The following UBE2D3 variants were observed in gnomAD, a reference collection of about 807,000 sequenced individuals.
The protein encoded by UBE2D3 is ubiquitin conjugating enzyme E2 D3.
Under a neutral mutation model 22.8 loss-of-function variants are expected in UBE2D3, and 2 were observed. That is an observed-to-expected ratio of 0.09 (90% CI 0.04 to 0.28). The LOEUF is 0.28. UBE2D3 is among the 10% of genes least tolerant of loss of function. UBE2D3 has a pLI of 1.00. For synonymous variants in UBE2D3, 56 were observed against 60.4 expected, an observed-to-expected ratio of 0.93 and a Z score of 0.34; for missense variants, 27 against 182.5, an observed-to-expected ratio of 0.15 and a Z score of 4.91.
chr4:102,806,356 A>G (rs952948986), intron 4 of UBE2D3, among the ~76,000 whole-genome samples: 1 of 152,108 alleles, frequency 6.6e-6, no homozygotes, highest in African/African-American at 2.4e-5. Flanking sequence ...CTTTAAGCAC[A>G]TAGTTACCAT....
intron 1 of UBE2D3, among the ~76,000 whole-genome samples, chr4:102,843,105 G>A (rs1349709834): frequency 2.6e-5 from 4 of 152,108 alleles, no homozygotes; most frequent in South Asian, 2.1e-4. Context: ...ATAAGACTCC[G>A]TCTCAAAATT....
intron 2 of UBE2D3, among the ~76,000 whole-genome samples, chr4:102,820,342 C>T (rs1376288585): frequency 6.6e-6 from 1 of 151,296 alleles, no homozygotes; most frequent in Admixed American, 6.6e-5. Flanking sequence ...GGATGCTTGG[C>T]AAAAAGATAT....
intron 1 of UBE2D3, among the ~76,000 whole-genome samples, chr4:102,848,921 CTG>C (rs147050383): frequency 0.074 from 10,594 of 142,634 alleles, 430 homozygotes; most frequent in East Asian, 0.22. Context: ...TTATGTGTGC[CTG>C]TGTGTGTGTG....
intron 2 of UBE2D3, among the ~76,000 whole-genome samples, chr4:102,816,853 A>G (rs1341327545): frequency 6.6e-6 from 1 of 152,202 alleles, no homozygotes; most frequent in African/African-American, 2.4e-5. Context: ...TGTTAGGTAT[A>G]AAAACACCAA....
chr4:102,828,563 GGTCTCCGTAATCA>G (rs1187056085), upstream of UBE2D3, among the ~76,000 whole-genome samples: 1 of 152,152 alleles, frequency 6.6e-6, no homozygotes, highest in Non-Finnish European at 1.5e-5. Context: ...GGTTTTCACT[GGTCTCCGTAATCA>G]GTCGCTGCCG....
At chr4:102,825,385 G>A (rs1478739180) in intron 2 of UBE2D3, 2 of 1,028,158 alleles carry the variant, frequency 1.9e-6, no homozygotes, top group Non-Finnish European at 2.3e-6. Flanking sequence ...TACAGTTTAA[G>A]AGTTTGAATT....
At position 102,819,482 on chromosome 4, in the gene UBE2D3, TTAAC is replaced by T. The variant is rs1253599558; in HGVS notation, c.24+6999_24+7002del. ...GCCCAATAAGTATCTGAACATTCGG[TTAAC>T]TTTCTTTCAATGACAGCCAGTATCT... On this transcript the variant is annotated intron_variant, in intron 2 of 7. Coordinates refer to ENST00000453744, the MANE Select transcript of UBE2D3 (RefSeq NM_181891.3). 18 of 849,694 alleles carry T rather than the reference TTAAC, an allele frequency of 2.1e-5. No individual in the cohort carries two copies. In the African/African-American group the frequency reaches 3.1e-4, roughly 15 times the overall value. The allele number at this position is 849,694 out of a possible 1,614,324, so 52.6% of individuals were successfully genotyped here. A position where few individuals can be genotyped will look rare whatever the true frequency, so the allele number is the denominator to read the frequency against.
chr4:102,805,781 T>A (rs912729754), intron 4 of UBE2D3, among the ~76,000 whole-genome samples: 2 of 151,686 alleles, frequency 1.3e-5, no homozygotes, highest in African/African-American at 4.9e-5. Flanking sequence ...TACTGATATT[T>A]CTACTTGGAT....
At chr4:102,827,752 C>T, upstream of UBE2D3, 4 of 985,342 alleles carry the variant, frequency 4.1e-6, no homozygotes, top group South Asian at 1.4e-4. Context: ...CTAAACAGAT[C>T]GGAGATTGGA....
At chr4:102,810,485 C>T (rs1727789202) in intron 2 of UBE2D3, 1 of 151,370 alleles carries the variant, frequency 6.6e-6, no homozygotes, top group Non-Finnish European at 1.5e-5. Flanking sequence ...ACTGCAAGCT[C>T]CACCTCCCAG....
At chr4:102,844,795 T>G (rs1578289274) in intron 1 of UBE2D3, among the ~76,000 whole-genome samples, 1 of 151,554 alleles carries the variant, frequency 6.6e-6, no homozygotes, top group Non-Finnish European at 1.5e-5. Context: ...CCGAGGTGGG[T>G]GGATCACGAG....
chr4:102,831,490 A>G (rs1731113847), upstream of UBE2D3, among the ~76,000 whole-genome samples: 1 of 152,246 alleles, frequency 6.6e-6, no homozygotes, highest in Non-Finnish European at 1.5e-5. Flanking sequence ...TCTACTTTTT[A>G]GTAGAAACAA....
intron 2 of UBE2D3, among the ~76,000 whole-genome samples, chr4:102,814,251 CTTTTT>C (rs1225050626): frequency 2.1e-5 from 3 of 139,986 alleles, no homozygotes; most frequent in Admixed American, 7.1e-5. Context: ...ATTTCAGAAG[CTTTTT>C]TTTTTTTGCA....
chr4:102,839,893 A>C (rs1731645920), intron 1 of UBE2D3, among the ~76,000 whole-genome samples: 1 of 152,250 alleles, frequency 6.6e-6, no homozygotes, highest in South Asian at 2.1e-4. Flanking sequence ...TATTAATCCA[A>C]CAAGGGACTA....
In UBE2D3 at chr4:102,825,430, G is replaced by A. The variant is rs1006246865; in HGVS notation, c.24+1055C>T. ...TTTGAGCAGAGGATCTTAGAGCAGT[G>A]CACAACGCGATATAAAAGTTAACAT... On this transcript the variant is annotated intron_variant, in intron 2 of 7. Coordinates refer to ENST00000453744, the MANE Select transcript of UBE2D3 (RefSeq NM_181891.3). 7 of 1,134,002 alleles carry A rather than the reference G, an allele frequency of 6.2e-6. No homozygotes were observed. In the African/African-American group the frequency reaches 8.2e-5, roughly 13 times the overall value. The allele number at this position is 1,134,002 out of a possible 1,614,324, so 70.2% of individuals were successfully genotyped here.
In UBE2D3 at chr4:102,795,324, T is replaced by C. The variant is rs1225721539; in HGVS notation, c.*2091A>G. On this transcript the variant is annotated 3_prime_UTR_variant, in exon 8 of 8. Transcript: ENST00000453744. ...TCATAAAAGTGTCTTACACTCATGT[T>C]TGGCTTTCAAGAAGTGATATGCCTA... 6.6e-6 allele frequency: 1 copy of C among 152,096 alleles called. No homozygotes were observed. Among genetic ancestry groups the C allele is most frequent in the Non-Finnish European group, 1.5e-5 (1 of 67,948 alleles). 9.4% of individuals were successfully genotyped at this position (152,096 alleles called of 1,614,324 possible).
intron 6 of UBE2D3, 65 bp from the exon 7 acceptor site, chr4:102,799,565 C>T (rs550970427): frequency 5.7e-5 from 72 of 1,261,116 alleles, no homozygotes; most frequent in Non-Finnish European, 6.4e-5. Flanking sequence ...TTTTTCTAAA[C>T]CGTGTATTAC....
intron 1 of UBE2D3, among the ~76,000 whole-genome samples, chr4:102,847,305 T>C (rs1242782603): frequency 6.6e-6 from 1 of 152,076 alleles, no homozygotes; most frequent in Admixed American, 6.6e-5. Flanking sequence ...TTGTTGTTTA[T>C]GATAGTGTCT....
chr4:102,826,333 CAAG>C, intron 2 of UBE2D3, 149 bp downstream of exon 2: 3 of 1,013,870 alleles, frequency 3.0e-6, no homozygotes, highest in Non-Finnish European at 3.0e-6. Context: ...TTCATTTCTT[CAAG>C]AAGTATATCT....
Sources: allele counts gnomAD v4.1 joint callset (sites outside exome capture counted in the v4.1 genomes callset), GRCh38; gene constraint gnomAD v4.1.1; transcripts MANE v1.5; gene names NCBI Gene and HGNC (gene_info 2026-07-23, HGNC 2026-07-21).